Variants in STK31 observed in about 807,000 individuals in gnomAD.
STK31 encodes serine/threonine-protein kinase 31.
In STK31, 89 loss-of-function variants were observed where a neutral mutation model predicts 129.7. The ratio of observed to expected loss-of-function variants is 0.69; its 90% confidence interval spans 0.58 to 0.82. The LOEUF is 0.82. Ranked by LOEUF, STK31 falls within the 40% of genes least tolerant of loss-of-function variation. The pLI, the probability that STK31 is intolerant of heterozygous loss-of-function variation, is 0.00. For missense variants in STK31, 1,187 were observed against 1,176.4 expected, an observed-to-expected ratio of 1.01 and a Z score of -0.13; for synonymous variants, 448 against 395.3, an observed-to-expected ratio of 1.13 and a Z score of -1.58.
intron 22 of STK31, 112 bp from the exon 23 acceptor site, chr7:23,815,032 C>T: frequency 1.4e-6 from 1 of 708,784 alleles, no homozygotes; most frequent in Non-Finnish European, 2.2e-6. Context: ...AATGTGCTTT[C>T]TTTAAGTAAG....
chr7:23,759,200 C>G (rs1789295939), intron 10 of STK31, among the ~76,000 whole-genome samples: 1 of 152,140 alleles, frequency 6.6e-6, no homozygotes, highest in African/African-American at 2.4e-5. Context: ...CTTTAACACC[C>G]CACTGTCAGT....
At chr7:23,737,860 AGTGTGTGTGTGTGT>A (rs67303802) in intron 8 of STK31, among the ~76,000 whole-genome samples, 133 of 149,264 alleles carry the variant, frequency 8.9e-4, no homozygotes, top group Admixed American at 4.1e-3. Context: ...GTGGTTGATA[AGTGTGTGTGTGTGT>A]GTGTGTGTGT....
At chr7:23,829,435 A>T (rs1339534574) in intron 23 of STK31, among the ~76,000 whole-genome samples, 1 of 152,080 alleles carries the variant, frequency 6.6e-6, no homozygotes, top group Admixed American at 6.6e-5. Context: ...CATGTCGCTG[A>T]TTTGGGTGTG....
intron 23 of STK31, among the ~76,000 whole-genome samples, chr7:23,823,684 C>A (rs1793929793): frequency 6.6e-6 from 1 of 152,186 alleles, no homozygotes; most frequent in Non-Finnish European, 1.5e-5. Flanking sequence ...TGCCTATGTC[C>A]TGAATGGTAT....
intron 10 of STK31, among the ~76,000 whole-genome samples, chr7:23,755,660 T>C (rs1789027709): frequency 6.6e-6 from 1 of 152,226 alleles, no homozygotes; most frequent in Admixed American, 6.5e-5. Context: ...TTAATCCATC[T>C]AGAGTTAATT....
intron 4 of STK31, chr7:23,721,698 C>A: frequency 1.3e-6 from 1 of 794,964 alleles, no homozygotes; most frequent in Non-Finnish European, 2.3e-6. Flanking sequence ...TCTGGTTTAC[C>A]ATTATCATTC....
chr7:23,733,393 CTT>C (rs36053082), intron 6 of STK31, among the ~76,000 whole-genome samples: 90 of 125,700 alleles, frequency 7.2e-4, no homozygotes, highest in Non-Finnish European at 6.5e-4. Flanking sequence ...CTAAAAAATT[CTT>C]TTTTTTTTTT....
intron 8 of STK31, among the ~76,000 whole-genome samples, chr7:23,745,411 G>C (rs574913599): frequency 1.9e-4 from 29 of 152,328 alleles, no homozygotes; most frequent in African/African-American, 7.0e-4. Flanking sequence ...TTGCAGCCCT[G>C]TCACTGGGGA....
chr7:23,755,575 A>G (rs1161249907), intron 10 of STK31, among the ~76,000 whole-genome samples: 1 of 152,216 alleles, frequency 6.6e-6, no homozygotes, highest in African/African-American at 2.4e-5. Flanking sequence ...GTCTTTGCCC[A>G]TGCCTATGTC....
In STK31 at chr7:23,721,533, T is replaced by C. The variant is rs1786690891; in HGVS notation, c.249+3954T>C. 7 of 953,312 alleles carry C rather than the reference T, an allele frequency of 7.3e-6. No homozygotes were observed. In the East Asian group the frequency reaches 1.7e-4, roughly 23 times the overall value. 59.1% of individuals were successfully genotyped at this position (953,312 alleles called of 1,614,324 possible). ...AATATGTATGTGTTAGTTCTCTGTT[T>C]AACTCTCTTTTTTTTTTTCCTTTTG... On this transcript the variant is annotated intron_variant, in intron 4 of 23. Transcript: ENST00000355870.
chr7:23,754,772 A>T (rs1788951265), intron 10 of STK31, among the ~76,000 whole-genome samples: 1 of 152,114 alleles, frequency 6.6e-6, no homozygotes, highest in East Asian at 1.9e-4. Flanking sequence ...TTCTTGTGTT[A>T]GTTTGCCGAA....
At chr7:23,719,734 A>G (rs1584322380) in intron 4 of STK31, among the ~76,000 whole-genome samples, 1 of 152,264 alleles carries the variant, frequency 6.6e-6, no homozygotes, top group East Asian at 1.9e-4. Context: ...AAATATCCTC[A>G]CTTACTTGGG....
chr7:23,716,701 T>C (rs1484770402), intron 3 of STK31, among the ~76,000 whole-genome samples: 2 of 152,150 alleles, frequency 1.3e-5, no homozygotes, highest in East Asian at 3.8e-4. Context: ...TTTATTTTGT[T>C]GTTTAAATTA....
intron 22 of STK31, among the ~76,000 whole-genome samples, chr7:23,799,564 C>T (rs1010207509): frequency 2.6e-4 from 39 of 152,084 alleles, no homozygotes; most frequent in African/African-American, 9.2e-4. Context: ...GAAACTGGAC[C>T]CCTTCCTTAC....
At chr7:23,710,805 C>G in intron 1 of STK31, 1 of 1,010,672 alleles carries the variant, frequency 9.9e-7, no homozygotes, top group Non-Finnish European at 1.2e-6. Context: ...AAAAACTACT[C>G]TAGAAGTAGC....
At position 23,750,067 on chromosome 7, in the gene STK31, T is replaced by C. The variant is rs866331972; in HGVS notation, c.1018-2650T>C. Among the ~76,000 whole-genome samples the C allele has an allele frequency of 1.9e-3, 175 of 90,482 alleles. 5 individuals are homozygous for C. The highest frequency in any genetic ancestry group is 5.6e-3 in the Middle Eastern group (1 of 180). The allele number at this position is 90,482 out of a possible 152,430, so 59.4% of individuals were successfully genotyped here. Reference sequence around the variant, plus strand: ...CTGGGATATTTCAGAATGGTTTGTTTCCCCCCCCGCCACTGCTGGAAACAT... The same window carrying C: ...CTGGGATATTTCAGAATGGTTTGTTCCCCCCCCCGCCACTGCTGGAAACAT... On this transcript the variant is annotated intron_variant, in intron 8 of 23. Coordinates refer to ENST00000355870, the MANE Select transcript of STK31 (RefSeq NM_031414.5).
At chr7:23,711,425 G>T (rs2128057691) in intron 1 of STK31, among the ~76,000 whole-genome samples, 1 of 136,402 alleles carries the variant, frequency 7.3e-6, no homozygotes, top group Admixed American at 7.1e-5. Flanking sequence ...ACTTCGTTTG[G>T]GGGGAAAAAA....
intron 4 of STK31, chr7:23,721,844 C>T: frequency 2.0e-6 from 1 of 500,076 alleles, no homozygotes; most frequent in Non-Finnish European, 3.7e-6. Flanking sequence ...ATCAGTGATA[C>T]CCTTTCTTCC....
chr7:23,831,777 T>C (rs1399391998), intron 23 of STK31, among the ~76,000 whole-genome samples: 1 of 152,196 alleles, frequency 6.6e-6, no homozygotes, highest in Non-Finnish European at 1.5e-5. Flanking sequence ...TAGATATTGT[T>C]CTTTCACTTC....
Sources: allele counts gnomAD v4.1 joint callset (sites outside exome capture counted in the v4.1 genomes callset), GRCh38; gene constraint gnomAD v4.1.1; transcripts MANE v1.5; gene names NCBI Gene and HGNC (gene_info 2026-07-23, HGNC 2026-07-21).